The following MAP7D3 variants were observed in gnomAD, a reference collection of about 807,000 sequenced individuals.
MAP7D3 encodes the protein MAP7 domain containing 3, also known as MAP7 domain-containing protein 3.
Under a neutral mutation model 62.2 loss-of-function variants are expected in MAP7D3, and 45 were observed. The ratio of observed to expected loss-of-function variants is 0.72; its 90% CI spans 0.57 to 0.93. MAP7D3 has a LOEUF of 0.93. MAP7D3 is among the 40% of genes least tolerant of loss of function. The probability of loss-of-function intolerance (pLI) is 0.00; values close to 1 mark genes in which losing one functional copy is unlikely to be tolerated. For missense variants in MAP7D3, 711 were observed against 683.1 expected, an observed-to-expected ratio of 1.04 and a Z score of -0.45; for synonymous variants, 288 against 248.8, an observed-to-expected ratio of 1.16 and a Z score of -1.48.
In MAP7D3 at chrX:136,236,566, A is replaced by C. The variant is rs865836907; in HGVS notation, c.641-227T>G. 1.3e-4 allele frequency among the ~76,000 whole-genome samples: 14 copies of C among 111,914 alleles called. No homozygotes were observed. The South Asian group carries it at 1.5e-3, about 12-fold the overall frequency. On this transcript the variant is annotated intron_variant, in intron 6 of 18. Transcript: ENST00000316077. ...TAAAAATTAAGAGGTAAAATATCTG[A>C]CACTATCTGACATCAAAGTTCCCAA...
chrX:136,256,237 A>G (rs2074550665), upstream of MAP7D3: 1 of 1,149,203 alleles, frequency 8.7e-7, no homozygotes, highest in Admixed American at 2.6e-5. Context: ...TCTCTTGCCA[A>G]ATCTACTCAC....
chrX:136,245,218 G>A (rs2074433979), intron 3 of MAP7D3, among the ~76,000 whole-genome samples: 1 of 111,996 alleles, frequency 8.9e-6, no homozygotes, highest in African/African-American at 3.2e-5. Context: ...TTCTTTCAAA[G>A]TCCTCATCTA....
At chrX:136,224,751 G>C in intron 14 of MAP7D3, 76 bp downstream of exon 14, 1 of 658,617 alleles carries the variant, frequency 1.5e-6, no homozygotes, top group Non-Finnish European at 2.4e-6. Flanking sequence ...CACCAGATTG[G>C]GTAAAGTGAA....
rs201140656 is a variant in MAP7D3 at position 136,224,877 on chromosome X, T to G, written c.2143A>C (p.Ile715Leu). ...LQERLERKKR[I>L]EEIMKRTRKT... ...CTTGTCCGCTTCATAATTTCTTCTA[T>G]TCTCTATTTAAAGGAAAATAAAAAT... Residue 715 changes from isoleucine to leucine, a missense_variant, in exon 14 of 19, where the codon ATA (isoleucine) becomes CTA (leucine). Physicochemically the swap from Ile to Leu is conservative, Grantham distance 5. Transcript: ENST00000316077. 1.7e-6 allele frequency: 2 copies of G among 1,145,013 alleles called. No homozygotes were observed. Among genetic ancestry groups the G allele is most frequent in the Non-Finnish European group, 1.2e-6 (1 of 835,528 alleles). 94.4% of individuals were successfully genotyped at this position (1,145,013 alleles called of 1,213,427 possible). A position where few individuals can be genotyped will look rare whatever the true frequency, so the allele number is the denominator to read the frequency against.
chrX:136,221,445 C>G (rs2074127870), intron 15 of MAP7D3, among the ~76,000 whole-genome samples: 1 of 112,123 alleles, frequency 8.9e-6, no homozygotes, highest in Non-Finnish European at 1.9e-5. Flanking sequence ...CCTGCCTCAG[C>G]TTCCCAAGTA....
Position 136,232,118 on chromosome X carries a change from T to C in MAP7D3, c.839A>G (p.Lys280Arg), listed in dbSNP as rs1366792222. The C allele has an allele frequency of 3.3e-5, 40 of 1,206,919 alleles. No individual in the cohort carries two copies. Among genetic ancestry groups the C allele is most frequent in the Non-Finnish European group, 4.4e-5 (39 of 892,172 alleles). ...TTCTACTTTTGTTTGAGGAGGTATTTTCATTGTCGACATGGGAAACATAAC... is the reference window on the plus strand; with the variant it reads ...TTCTACTTTTGTTTGAGGAGGTATTCTCATTGTCGACATGGGAAACATAAC... ...RAVMFPMSTM[K>R]IPPQTKVEES... Residue 280 changes from lysine to arginine, a missense_variant, in exon 8 of 19, where the codon AAA becomes AGA. Coordinates refer to ENST00000316077, the MANE Select transcript of MAP7D3 (RefSeq NM_024597.4).
chrX:136,241,094 C>T, intron 5 of MAP7D3, 66 bp downstream of exon 5: 1 of 620,764 alleles, frequency 1.6e-6, no homozygotes, highest in African/African-American at 2.2e-5. Flanking sequence ...ATGCAAGCTT[C>T]TACTCATAGC....
In MAP7D3 at chrX:136,227,329, CTTT is replaced by C. The variant is rs372045220; in HGVS notation, c.1986_1988del (p.Lys665del). On this transcript the variant is annotated inframe_deletion, in exon 12 of 19. Coordinates refer to ENST00000316077, the MANE Select transcript of MAP7D3 (RefSeq NM_024597.4). ...CTTCCTGATCCAGCCATCCTTTCTT[CTTT>C]TTAGTCTCATTTTGTTGCTGCCCAT... 2 of 1,207,917 alleles carry C rather than the reference CTTT, an allele frequency of 1.7e-6. No individual in the cohort carries two copies. Among genetic ancestry groups the C allele is most frequent in the African/African-American group, 1.8e-5 (1 of 56,880 alleles).
At chrX:136,224,937 G>A in intron 13 of MAP7D3, 57 bp from the exon 14 acceptor site, 1 of 818,899 alleles carries the variant, frequency 1.2e-6, no homozygotes, top group Non-Finnish European at 1.8e-6. Context: ...CCAAACAGTT[G>A]TCCTAAAGGA....
chrX:136,239,914 G>T (rs370737180), intron 6 of MAP7D3, among the ~76,000 whole-genome samples: 1 of 111,808 alleles, frequency 8.9e-6, no homozygotes, highest in African/African-American at 3.2e-5. Flanking sequence ...CAAGTATATT[G>T]ATGAAAATAC....
chrX:136,235,570 A>C (rs1298975625), intron 7 of MAP7D3, among the ~76,000 whole-genome samples: 2 of 111,018 alleles, frequency 1.8e-5, no homozygotes, highest in Non-Finnish European at 3.8e-5. Flanking sequence ...CCAACATGGC[A>C]AAACCCCATT....
At chrX:136,256,379 C>T (rs2074551541), upstream of MAP7D3, 8 of 1,112,164 alleles carry the variant, frequency 7.2e-6, no homozygotes, top group Non-Finnish European at 9.6e-6. Context: ...GCACTGCTCC[C>T]CCACCAACAA....
chrX:136,244,555 G>C (rs1194755802), intron 4 of MAP7D3, 77 bp downstream of exon 4: 1 of 943,196 alleles, frequency 1.1e-6, no homozygotes, highest in Non-Finnish European at 1.5e-6. Context: ...GTAAGGCAGA[G>C]AAGGCCTGAG....
chrX:136,229,366 G>A (rs1173532913), intron 10 of MAP7D3, among the ~76,000 whole-genome samples: 1 of 111,258 alleles, frequency 9.0e-6, no homozygotes, highest in Non-Finnish European at 1.9e-5. Flanking sequence ...AAAATGAGAA[G>A]ACATATCAGG....
intron 1 of MAP7D3, among the ~76,000 whole-genome samples, chrX:136,248,553 T>A (rs2074473092): frequency 8.9e-6 from 1 of 112,467 alleles, no homozygotes; most frequent in Admixed American, 9.4e-5. Flanking sequence ...CTGTAGTCCT[T>A]ATACTAATTC....
chrX:136,221,100 G>A lies in MAP7D3; in HGVS notation c.2288-137C>T, dbSNP rs751221594. The A allele has an allele frequency of 6.1e-6, 3 of 494,134 alleles. No individual in the cohort carries two copies. The African/African-American group carries it at 7.1e-5, about 12-fold the overall frequency. The allele number at this position is 494,134 out of a possible 1,213,427, so 40.7% of individuals were successfully genotyped here. A position where few individuals can be genotyped will look rare whatever the true frequency, so the allele number is the denominator to read the frequency against. ...GGAAGAGTCAAGCAGCAGTACTCCTGGGAGGCAGGCCCAGCAGTCACAGAG... is the reference window on the plus strand; with the variant it reads ...GGAAGAGTCAAGCAGCAGTACTCCTAGGAGGCAGGCCCAGCAGTCACAGAG... On this transcript the variant is annotated intron_variant, in intron 15 of 18. Transcript: ENST00000316077.
intron 18 of MAP7D3, 52 bp downstream of exon 18, chrX:136,219,346 G>A (rs1298949356): frequency 1.4e-6 from 1 of 732,583 alleles, no homozygotes; most frequent in Non-Finnish European, 2.1e-6. Flanking sequence ...GAGGGGAGCG[G>A]GTTCAGGGTC....
chrX:136,226,127 A>T, intron 12 of MAP7D3, 114 bp from the exon 13 acceptor site: 1 of 487,269 alleles, frequency 2.1e-6, no homozygotes, highest in Non-Finnish European at 3.4e-6. Flanking sequence ...AAAGAGTGTA[A>T]CCTTTTGAAT....
At chrX:136,234,457 A>G (rs750552728) in intron 7 of MAP7D3, among the ~76,000 whole-genome samples, 10 of 112,113 alleles carry the variant, frequency 8.9e-5, no homozygotes, top group Non-Finnish European at 1.7e-4. Context: ...AAGGTTTTCT[A>G]TATTTTTAAA....
Sources: allele counts gnomAD v4.1 joint callset (sites outside exome capture counted in the v4.1 genomes callset), GRCh38; gene constraint gnomAD v4.1.1; transcripts MANE v1.5; gene names NCBI Gene and HGNC (gene_info 2026-07-23, HGNC 2026-07-21).